Variants in HERC6 observed in about 807,000 individuals in gnomAD.
The protein encoded by HERC6 is probable E3 ubiquitin-protein ligase HERC6.
A neutral mutation model predicts 114.5 loss-of-function variants in HERC6; 101 were observed. The observed-to-expected ratio is 0.88, with a 90% CI of 0.75 to 1.04. HERC6 has a LOEUF of 1.04. HERC6 is among the 50% of genes least tolerant of loss of function. The pLI, the probability that HERC6 is intolerant of heterozygous loss-of-function variation, is 0.00. For missense variants in HERC6, 1,133 were observed against 1,230.9 expected, an observed-to-expected ratio of 0.92 and a Z score of 1.19; for synonymous variants, 408 against 436.2, an observed-to-expected ratio of 0.94 and a Z score of 0.81.
chr4:88,393,532 G>A lies in HERC6; in HGVS notation c.709G>A (p.Gly237Ser), dbSNP rs1453956249. Residue 237 changes from glycine (G) to serine (S), a missense_variant, in exon 5 of 23, where the codon GGT becomes AGT. Gly to Ser is a moderately conservative substitution (Grantham distance 56). This residue lies in a region of HERC6 where 735 missense variants were observed against 754.0 expected (regional missense o/e 0.97). Coordinates refer to ENST00000264346, the MANE Select transcript of HERC6 (RefSeq NM_017912.4). The part of the protein sequence containing the change: ...PLSVGALKNL[G>S]VVYISCGDAH... ...CTCAGTCGGTGCACTGAAGAATCTA[G>A]GTGTGGTTTATATCAGCTGTGGTGA... 3 of 1,612,900 alleles carry A rather than the reference G, an allele frequency of 1.9e-6. No individual in the cohort carries two copies. In the Admixed American group the frequency reaches 5.0e-5, roughly 27 times the overall value.
intron 13 of HERC6, among the ~76,000 whole-genome samples, 179 bp downstream of exon 13, chr4:88,417,758 A>C (rs1736631687): frequency 6.6e-6 from 1 of 152,152 alleles, no homozygotes; most frequent in Non-Finnish European, 1.5e-5. Context: ...AAGTTGAGAA[A>C]CTTTAGGAGG....
At position 88,439,858 on chromosome 4, in the gene HERC6, TTTTGC is replaced by T; in HGVS notation, c.2556-13_2556-9del. 7.5e-7 allele frequency: 1 copy of T among 1,333,102 alleles called. No individual in the cohort carries two copies. The highest frequency in any genetic ancestry group is 9.6e-7 in the Non-Finnish European group (1 of 1,037,308). The allele number at this position is 1,333,102 out of a possible 1,614,324, so 82.6% of individuals were successfully genotyped here. A position where few individuals can be genotyped will look rare whatever the true frequency, so the allele number is the denominator to read the frequency against. On this transcript the variant is annotated splice_polypyrimidine_tract_variant and intron_variant, in intron 20 of 22. Transcript: ENST00000264346. ...CCTTCCTTTCTTTTTTTTTTTTTTTTTTTGCTTCCCTCAAGGAGAGACTATGTTTC... is the reference window on the plus strand; with the variant it reads ...CCTTCCTTTCTTTTTTTTTTTTTTTTTTCCCTCAAGGAGAGACTATGTTTC...
chr4:88,382,048 C>A (rs929005755), intron 1 of HERC6, among the ~76,000 whole-genome samples: 2 of 152,084 alleles, frequency 1.3e-5, no homozygotes, highest in Non-Finnish European at 2.9e-5. Context: ...CAACATGATA[C>A]TTAACCCCAA....
intron 1 of HERC6, among the ~76,000 whole-genome samples, chr4:88,379,732 T>TAAATATATA (rs1279911858): frequency 1.2e-4 from 3 of 24,166 alleles, no homozygotes; most frequent in African/African-American, 3.0e-4. Flanking sequence ...ATATAATATA[T>TAAATATATA]AAATATATAA....
In HERC6 at chr4:88,400,095, A is replaced by T. The variant is rs988744875; in HGVS notation, c.1092+1886A>T. 1.2e-4 allele frequency among the ~76,000 whole-genome samples: 19 copies of T among 152,182 alleles called. 2 individuals are homozygous for T. The highest frequency in any genetic ancestry group is 2.4e-4 in the Non-Finnish European group (16 of 68,016). On this transcript the variant is annotated intron_variant, in intron 8 of 22. Transcript: ENST00000264346. ...TCTGTATGCTGGGGTCAGCTATGTG[A>T]GGGGGGACCCATCTGAAATGTGCTT...
At chr4:88,406,731 G>GA (rs1307679710) in intron 10 of HERC6, among the ~76,000 whole-genome samples, 1 of 152,080 alleles carries the variant, frequency 6.6e-6, no homozygotes, top group Non-Finnish European at 1.5e-5. Flanking sequence ...CTAGCAAGGA[G>GA]AAAATCTTTC....
At chr4:88,427,224 G>A (rs1485513272) in intron 15 of HERC6, among the ~76,000 whole-genome samples, 1 of 152,230 alleles carries the variant, frequency 6.6e-6, no homozygotes, top group Non-Finnish European at 1.5e-5. Context: ...ATTCAAATGT[G>A]TAAATGTGAA....
At chr4:88,407,566 A>AT (rs1243675113) in intron 10 of HERC6, among the ~76,000 whole-genome samples, 2,166 of 144,980 alleles carry the variant, frequency 0.015, 40 homozygotes, top group African/African-American at 0.043. Flanking sequence ...TGCCTGGCTA[A>AT]TTTTTTTTTT....
Position 88,378,939 on chromosome 4 carries a change from C to G in HERC6, c.18C>G (p.Gly6=). The change falls in exon 1 of 23, where the codon GGC becomes GGG. Residue 6 remains glycine (G), a synonymous_variant. Transcript: ENST00000264346. ...GAAGCGGGATGTACTTCTGTTGGGG[C>G]GCCGACTCCAGGGAGCTGCAGCGCC... MYFCW[G]ADSRELQRRR... is the part of the protein sequence containing the mutation. 1.3e-6 allele frequency: 2 copies of G among 1,593,370 alleles called. No homozygotes were observed. Among genetic ancestry groups the G allele is most frequent in the African/African-American group, 1.3e-5 (1 of 74,684 alleles).
intron 8 of HERC6, 74 bp from the exon 9 acceptor site, chr4:88,404,802 A>G (rs1413741531): frequency 1.3e-6 from 2 of 1,558,808 alleles, no homozygotes; most frequent in Non-Finnish European, 1.7e-6. Context: ...CACCCATGCC[A>G]GGTGATTTAC....
chr4:88,431,918 A>G (rs948656451), intron 17 of HERC6, among the ~76,000 whole-genome samples: 1 of 152,238 alleles, frequency 6.6e-6, no homozygotes, highest in African/African-American at 2.4e-5. Context: ...CTAGGATTCT[A>G]TCAGTCATTT....
intron 13 of HERC6, among the ~76,000 whole-genome samples, chr4:88,418,808 C>A (rs1262117737): frequency 2.6e-5 from 4 of 152,134 alleles, no homozygotes; most frequent in Non-Finnish European, 5.9e-5. Context: ...CTCACTGCAA[C>A]CTCTGCCTCC....
intron 4 of HERC6, among the ~76,000 whole-genome samples, chr4:88,391,417 A>G (rs796727506): frequency 3.9e-5 from 6 of 152,336 alleles, no homozygotes; most frequent in African/African-American, 1.4e-4. Flanking sequence ...TAACAACTTT[A>G]GTTCCATCGG....
chr4:88,414,117 A>G (rs1736289747), intron 12 of HERC6, among the ~76,000 whole-genome samples: 1 of 152,094 alleles, frequency 6.6e-6, no homozygotes, highest in Non-Finnish European at 1.5e-5. Context: ...CTTTAACTTA[A>G]AATAATCAGC....
At chr4:88,394,488 A>AAG (rs1221112262) in intron 5 of HERC6, among the ~76,000 whole-genome samples, 1 of 150,002 alleles carries the variant, frequency 6.7e-6, no homozygotes, top group African/African-American at 2.4e-5. Flanking sequence ...AAAAAAAAAA[A>AAG]AAAAAAATTA....
intron 10 of HERC6, among the ~76,000 whole-genome samples, chr4:88,407,283 T>C (rs1304573869): frequency 1.3e-5 from 2 of 148,440 alleles, no homozygotes; most frequent in African/African-American, 2.5e-5. Flanking sequence ...TTTCACCACG[T>C]TGGGCCAGGC....
At position 88,417,422 on chromosome 4, in the gene HERC6, C is replaced by T. The variant is rs1736591865; in HGVS notation, c.1559-3C>T. 2 of 1,606,886 alleles carry T rather than the reference C, an allele frequency of 1.2e-6. No homozygotes were observed. Among genetic ancestry groups the T allele is most frequent in the Non-Finnish European group, 1.7e-6 (2 of 1,176,460 alleles). On this transcript the variant is annotated splice_polypyrimidine_tract_variant and splice_region_variant and intron_variant, in intron 12 of 22. Coordinates refer to ENST00000264346, the MANE Select transcript of HERC6 (RefSeq NM_017912.4). ...TTTATCATGGCTAATTTTACACCCC[C>T]AGAGAAGTGTTGGGCATTTTTGCAA...
intron 13 of HERC6, among the ~76,000 whole-genome samples, chr4:88,422,194 T>C (rs979091198): frequency 1.3e-5 from 2 of 152,242 alleles, no homozygotes; most frequent in African/African-American, 4.8e-5. Flanking sequence ...TAAGCTTGTT[T>C]TTTAACAATC....
chr4:88,431,561 A>G (rs1368336497), intron 17 of HERC6, among the ~76,000 whole-genome samples: 2 of 152,192 alleles, frequency 1.3e-5, no homozygotes, highest in African/African-American at 4.8e-5. Flanking sequence ...GGTGATTCAC[A>G]TGCACGTTAC....
Sources: allele counts gnomAD v4.1 joint callset (sites outside exome capture counted in the v4.1 genomes callset), GRCh38; gene constraint gnomAD v4.1.1; regional missense constraint gnomAD v4.1.1; transcripts MANE v1.5; gene names NCBI Gene and HGNC (gene_info 2026-07-23, HGNC 2026-07-21).